Variants in MICAL2 observed in about 807,000 individuals in gnomAD.
MICAL2 encodes microtubule associated monooxygenase, calponin and LIM domain containing 2.
A neutral mutation model predicts 127.3 loss-of-function variants in MICAL2; 77 were observed. The observed-to-expected ratio is 0.60, with a 90% CI of 0.50 to 0.73. The LOEUF (loss-of-function observed/expected upper bound fraction) is 0.73, where lower values mean the gene tolerates loss of function less well. Ranked by LOEUF, MICAL2 falls within the 30% of genes least tolerant of loss-of-function variation. MICAL2 has a pLI of 0.00. For missense variants in MICAL2, 1,351 were observed against 1,434.4 expected (o/e 0.94, Z 0.94); for synonymous variants, 570 against 551.1 (o/e 1.03, Z -0.48).
chr11:12,255,759 A>C lies in MICAL2; in HGVS notation c.2955+9A>C. Reference sequence around the variant, plus strand: ...CCACCTCTCCAGACCTGGTAAGGACATGCACCCCCAGCCTTCACCCACAGA... The same window carrying C: ...CCACCTCTCCAGACCTGGTAAGGACCTGCACCCCCAGCCTTCACCCACAGA... On this transcript the variant is annotated intron_variant, in intron 23 of 27. Coordinates refer to ENST00000683283, the MANE Select transcript of MICAL2 (RefSeq NM_001282663.2). The C allele has an allele frequency of 6.2e-7, 1 of 1,605,788 alleles. No individual in the cohort carries two copies. Among genetic ancestry groups the C allele is most frequent in the Non-Finnish European group, 8.5e-7 (1 of 1,174,586 alleles).
chr11:12,226,433 C>T, intron 14 of MICAL2, 63 bp downstream of exon 14: 1 of 1,519,878 alleles, frequency 6.6e-7, no homozygotes. Context: ...GTCTCTGAGT[C>T]TGGCTGCTCC....
chr11:12,290,851 C>T (rs766668121), downstream of MICAL2, among the ~76,000 whole-genome samples: 15 of 152,148 alleles, frequency 9.9e-5, no homozygotes, highest in Non-Finnish European at 2.1e-4. Flanking sequence ...ATATCGAGAA[C>T]GGTGTGGCCT....
intron 3 of MICAL2, among the ~76,000 whole-genome samples, chr11:12,201,746 A>G (rs926060603): frequency 6.6e-6 from 1 of 152,238 alleles, no homozygotes; most frequent in Non-Finnish European, 1.5e-5. Flanking sequence ...GGACTTGTAC[A>G]GAATCCTGTT....
intron 29 of MICAL2, among the ~76,000 whole-genome samples, chr11:12,304,606 G>T (rs573977251): frequency 6.6e-6 from 1 of 151,734 alleles, no homozygotes; most frequent in Non-Finnish European, 1.5e-5. Flanking sequence ...TTGCACTCCA[G>T]CATGGGCAAC....
At chr11:12,228,494 A>G (rs1254312110) in intron 15 of MICAL2, among the ~76,000 whole-genome samples, 2 of 152,182 alleles carry the variant, frequency 1.3e-5, no homozygotes, top group African/African-American at 4.8e-5. Context: ...GGACATACAG[A>G]AGTAATGTGA....
chr11:12,120,415 A>C (rs1184065426), intron 1 of MICAL2, among the ~76,000 whole-genome samples: 1 of 152,180 alleles, frequency 6.6e-6, no homozygotes, highest in Non-Finnish European at 1.5e-5. Context: ...CGGAGCTCAC[A>C]GTGTGCAGCT....
chr11:12,340,726 A>T (rs1214276125), intron 32 of MICAL2, among the ~76,000 whole-genome samples: 3 of 152,246 alleles, frequency 2.0e-5, no homozygotes, highest in South Asian at 2.1e-4. Context: ...AGTCACATGG[A>T]TGCATTTTTA....
At chr11:12,236,389 A>T in intron 16 of MICAL2, 144 bp downstream of exon 16, 1 of 724,068 alleles carries the variant, frequency 1.4e-6, no homozygotes, top group South Asian at 1.7e-5. Context: ...TGATGGAAAA[A>T]CAGTTGGGGT....
At chr11:12,261,618 A>G (rs1863119539) in intron 26 of MICAL2, 2 of 985,314 alleles carry the variant, frequency 2.0e-6, no homozygotes, top group South Asian at 4.7e-5. Context: ...ATTAACTAAG[A>G]GGTGTGCCTG....
chr11:12,208,146 T>A lies in MICAL2; in HGVS notation c.589+7T>A. The A allele has an allele frequency of 4.4e-6, 7 of 1,600,734 alleles. No individual in the cohort carries two copies. The highest frequency in any genetic ancestry group is 6.0e-6 in the Non-Finnish European group (7 of 1,168,492). ...GAAGATCAAGAAAATCAAAGTACAG[T>A]ATAATTTTCTTTTTCTGCCTAGAAA... is the stretch of plus-strand genomic sequence containing the variant. On this transcript the variant is annotated splice_region_variant and intron_variant, in intron 5 of 27. Coordinates refer to ENST00000683283, the MANE Select transcript of MICAL2 (RefSeq NM_001282663.2).
Position 12,208,033 on chromosome 11 carries a change from A to G in MICAL2, c.483A>G (p.Gln161=), listed in dbSNP as rs747849166. 8 of 1,614,030 alleles carry G rather than the reference A, an allele frequency of 5.0e-6. No homozygotes were observed. Among genetic ancestry groups the G allele is most frequent in the Non-Finnish European group, 5.9e-6 (7 of 1,179,964 alleles). ...CTTCCTGCCTGACAGGTATTCGCCAACTACAGCTCATCCTATTCAAGGTGG... is the reference window on the plus strand; with the variant it reads ...CTTCCTGCCTGACAGGTATTCGCCAGCTACAGCTCATCCTATTCAAGGTGG... The part of the protein sequence containing the change: ...AGSIDHISIR[Q]LQLILFKVAL... Residue 161 remains glutamine (Q), a synonymous_variant, in exon 5 of 28, where the codon CAA becomes CAG. Transcript: ENST00000683283.
chr11:12,264,209 A>G (rs774270302), downstream of MICAL2, among the ~76,000 whole-genome samples: 9 of 152,194 alleles, frequency 5.9e-5, no homozygotes, highest in Non-Finnish European at 8.8e-5. Context: ...TTGGTCTGGA[A>G]CACTTCACGC....
At chr11:12,330,786 GGAGAGA>G (rs59477152) in intron 32 of MICAL2, among the ~76,000 whole-genome samples, 2 of 98,614 alleles carry the variant, frequency 2.0e-5, no homozygotes, top group African/African-American at 3.0e-5. Context: ...TGCAGGACGT[GGAGAGA>G]GAGAGAGAGA....
chr11:12,267,812 C>T (rs1358177916), downstream of MICAL2, among the ~76,000 whole-genome samples: 1 of 152,064 alleles, frequency 6.6e-6, no homozygotes, highest in African/African-American at 2.4e-5. Flanking sequence ...AGGCTGTTTT[C>T]GAACTGCTGA....
chr11:12,345,777 C>T (rs961092274), intron 32 of MICAL2, among the ~76,000 whole-genome samples: 8 of 152,254 alleles, frequency 5.3e-5, no homozygotes, highest in African/African-American at 1.9e-4. Context: ...TCTGCAATCT[C>T]TGGGCATAGG....
intron 3 of MICAL2, among the ~76,000 whole-genome samples, chr11:12,193,659 C>G (rs1477021737): frequency 1.3e-5 from 2 of 152,304 alleles, no homozygotes; most frequent in African/African-American, 4.8e-5. Context: ...GGCAGTGACT[C>G]CCAGCTCCAC....
Position 12,226,287 on chromosome 11 carries a change from C to T in MICAL2, c.1805C>T (p.Ala602Val), listed in dbSNP as rs1271584569. The change falls in exon 14 of 28, where the codon GCC (alanine) becomes GTC (valine). Residue 602 changes from alanine (A) to valine (V), a missense_variant. Coordinates refer to ENST00000683283, the MANE Select transcript of MICAL2 (RefSeq NM_001282663.2). The stretch of plus-strand genomic sequence containing the variant: ...ACCACGGGCAAAGAGATGGCATCTG[C>T]CCAGGAGCCTGACAAGCTCAGCATG... ...PVTTGKEMAS[A>V]QEPDKLSMVM... The T allele has an allele frequency of 1.2e-6, 2 of 1,614,242 alleles. No individual in the cohort carries two copies. Among genetic ancestry groups the T allele is most frequent in the South Asian group, 2.2e-5 (2 of 91,090 alleles).
chr11:12,171,174 G>C (rs1369293827), intron 3 of MICAL2, among the ~76,000 whole-genome samples: 1 of 152,184 alleles, frequency 6.6e-6, no homozygotes, highest in East Asian at 1.9e-4. Context: ...CAAAAGAGAC[G>C]GGAAGTTAGC....
At chr11:12,343,341 G>A (rs1246065933) in intron 32 of MICAL2, among the ~76,000 whole-genome samples, 1 of 146,272 alleles carries the variant, frequency 6.8e-6, no homozygotes, top group East Asian at 2.0e-4. Flanking sequence ...CCAGGAGGCA[G>A]AGGTTGCAGT....
Sources: allele counts gnomAD v4.1 joint callset (sites outside exome capture counted in the v4.1 genomes callset), GRCh38; gene constraint gnomAD v4.1.1; transcripts MANE v1.5; gene names NCBI Gene and HGNC (gene_info 2026-07-23, HGNC 2026-07-21).